SPIRE1: variants seen among roughly 807,000 people sequenced by gnomAD.
SPIRE1 encodes the protein spire type actin nucleation factor 1, also known as protein spire homolog 1.
In SPIRE1, 40 loss-of-function variants were observed where a neutral mutation model predicts 94.1. The observed-to-expected ratio is 0.43, with a 90% confidence interval of 0.33 to 0.55. The LOEUF (loss-of-function observed/expected upper bound fraction) is 0.55, where lower values mean the gene tolerates loss of function less well. Ranked by LOEUF, SPIRE1 falls within the 20% of genes least tolerant of loss-of-function variation. SPIRE1 has a pLI of 0.06. For synonymous variants in SPIRE1, 376 were observed against 371.7 expected, an observed-to-expected ratio of 1.01 and a Z score of -0.13; for missense variants, 838 against 975.2, an observed-to-expected ratio of 0.86 and a Z score of 1.87.
intron 6 of SPIRE1, among the ~76,000 whole-genome samples, chr18:12,502,365 T>C (rs1263791053): frequency 1.3e-5 from 2 of 152,234 alleles, no homozygotes; most frequent in Non-Finnish European, 2.9e-5. Context: ...CTAAGACTTA[T>C]TTTAACACTG....
At chr18:12,585,308 T>C (rs1351720337) in intron 2 of SPIRE1, among the ~76,000 whole-genome samples, 1 of 152,056 alleles carries the variant, frequency 6.6e-6, no homozygotes, top group Non-Finnish European at 1.5e-5. Context: ...AACCAAAAGT[T>C]AAGGAGCTGA....
intron 2 of SPIRE1, among the ~76,000 whole-genome samples, chr18:12,583,550 C>T (rs1437241227): frequency 1.3e-5 from 2 of 151,902 alleles, no homozygotes; most frequent in East Asian, 3.9e-4. Flanking sequence ...TGCAGTGAGC[C>T]AAGATCGTGC....
intron 2 of SPIRE1, among the ~76,000 whole-genome samples, chr18:12,578,162 CAT>C (rs1444972343): frequency 6.6e-6 from 1 of 152,124 alleles, no homozygotes; most frequent in African/African-American, 2.4e-5. Flanking sequence ...AAAAGTCAAA[CAT>C]AAATTTATCA....
chr18:12,650,390 T>C lies in SPIRE1; in HGVS notation c.337+7140A>G, dbSNP rs1598585509. On this transcript the variant is annotated intron_variant, in intron 1 of 16. Transcript: ENST00000409402. ...ACTAGGCAACATGGCAAAATCTCTG[T>C]CTCTAAAAAACGATATAAAAATTAC... Among the ~76,000 whole-genome samples, 4 of 151,966 alleles carry C rather than the reference T, an allele frequency of 2.6e-5. No individual in the cohort carries two copies. In the South Asian group the frequency reaches 8.3e-4, roughly 32 times the overall value.
rs150913504 is a variant in SPIRE1, at chr18:12,552,162, A to G, written c.373-5258T>C. On this transcript the variant is annotated intron_variant, in intron 2 of 16. Coordinates refer to ENST00000409402, the MANE Select transcript of SPIRE1 (RefSeq NM_001128626.2). ...AACTTGAGTTCTGGCAAGCCTTACC[A>G]CTGCGTGCTTAAGTGCTCTGAGGCT... 6.0e-3 allele frequency among the ~76,000 whole-genome samples: 919 copies of G among 152,308 alleles called. 10 individuals are homozygous for G. The highest frequency in any genetic ancestry group is 0.021 in the African/African-American group (861 of 41,572).
intron 14 of SPIRE1, among the ~76,000 whole-genome samples, chr18:12,452,771 A>T (rs953450263): frequency 5.4e-4 from 82 of 152,258 alleles, no homozygotes; most frequent in African/African-American, 1.8e-3. Context: ...GGATCACATG[A>T]TAATCACATC....
chr18:12,466,937 T>A (rs1267145775), intron 10 of SPIRE1, among the ~76,000 whole-genome samples: 4 of 152,008 alleles, frequency 2.6e-5, no homozygotes. Flanking sequence ...AAGTGTCTGG[T>A]CAAAGAACAG....
At position 12,493,156 on chromosome 18, in the gene SPIRE1, G is replaced by A. The variant is rs750370757; in HGVS notation, c.1105C>T (p.Leu369Phe). The change falls in exon 8 of 17, where the codon CTC becomes TTC. Residue 369 changes from leucine to phenylalanine, a missense_variant. Leu to Phe is a conservative substitution (Grantham distance 22). Around this residue, in one of 2 missense-constraint regions of SPIRE1, gnomAD observed 645 missense variants for 804.7 expected, o/e 0.80. Transcript: ENST00000409402. ...LKPTPPRPRS[L>F]HERILEEIKA... The stretch of plus-strand genomic sequence containing the variant: ...ATTTCTTCTAATATTCTTTCATGGA[G>A]GCTCCGTGGCCGTGGTGGAGTTGGT... 6.2e-7 allele frequency: 1 copy of A among 1,613,774 alleles called. No homozygotes were observed. The highest frequency in any genetic ancestry group is 2.2e-5 in the East Asian group (1 of 44,880).
chr18:12,584,549 A>C (rs1421030773), intron 2 of SPIRE1, among the ~76,000 whole-genome samples: 1 of 152,194 alleles, frequency 6.6e-6, no homozygotes, highest in Non-Finnish European at 1.5e-5. Context: ...CAAAATTTAG[A>C]CTTGAAAATT....
At chr18:12,641,374 CTTT>C (rs67745102) in intron 1 of SPIRE1, among the ~76,000 whole-genome samples, 1 of 143,744 alleles carries the variant, frequency 7.0e-6, no homozygotes, top group Non-Finnish European at 1.5e-5. Context: ...TTCTTTTTTT[CTTT>C]TTTTTTTTTT....
chr18:12,468,312 C>T (rs908191438), intron 10 of SPIRE1, among the ~76,000 whole-genome samples: 1 of 152,230 alleles, frequency 6.6e-6, no homozygotes, highest in Non-Finnish European at 1.5e-5. Context: ...ACTGGCCACA[C>T]TTCCACTCAG....
At chr18:12,620,958 G>A (rs2037448474) in intron 2 of SPIRE1, among the ~76,000 whole-genome samples, 1 of 152,058 alleles carries the variant, frequency 6.6e-6, no homozygotes, top group Admixed American at 6.6e-5. Context: ...ATAATAAAAA[G>A]AGAACCCAAT....
intron 12 of SPIRE1, 114 bp from the exon 13 acceptor site, chr18:12,454,597 C>CATTAGTAGCTTCAGAGAAGAGAA: frequency 1.0e-5 from 10 of 963,676 alleles, no homozygotes; most frequent in African/African-American, 3.2e-5. Flanking sequence ...GAACAGGTTT[C>CATTAGTAGCTTCAGAGAAGAGAA]CCAATGACCA....
At chr18:12,529,348 G>A (rs1222054069) in intron 4 of SPIRE1, among the ~76,000 whole-genome samples, 1 of 148,596 alleles carries the variant, frequency 6.7e-6, no homozygotes, top group East Asian at 2.0e-4. Flanking sequence ...CAGCTTAGAC[G>A]ACAGAGCAAG....
intron 2 of SPIRE1, among the ~76,000 whole-genome samples, chr18:12,555,981 T>C (rs748777202): frequency 6.6e-6 from 1 of 151,986 alleles, no homozygotes; most frequent in Non-Finnish European, 1.5e-5. Flanking sequence ...AGTTGGAGGA[T>C]ACAAAATCAA....
chr18:12,485,083 C>T (rs2143802915), intron 9 of SPIRE1, among the ~76,000 whole-genome samples: 2 of 150,174 alleles, frequency 1.3e-5, no homozygotes, highest in Admixed American at 6.7e-5. Flanking sequence ...AAAGCCATTA[C>T]AATGCTCTTG....
intron 1 of SPIRE1, among the ~76,000 whole-genome samples, chr18:12,638,771 C>T (rs1372795763): frequency 1.3e-5 from 2 of 152,108 alleles, no homozygotes; most frequent in African/African-American, 4.8e-5. Flanking sequence ...AGCGAGTTAT[C>T]ATGAGATCTG....
rs1382031629 is a variant in SPIRE1, at chr18:12,657,521, C to T, written c.337+9G>A. The stretch of plus-strand genomic sequence containing the variant: ...AGAACTACGAGGGAAAGGGGCCCGG[C>T]GGCCTCACCCGCAACTGGGGGCGGC... On this transcript the variant is annotated intron_variant, in intron 1 of 16. Coordinates refer to ENST00000409402, the MANE Select transcript of SPIRE1 (RefSeq NM_001128626.2). 33 of 1,230,086 alleles carry T rather than the reference C, an allele frequency of 2.7e-5. No homozygotes were observed. The highest frequency in any genetic ancestry group is 3.1e-5 in the Non-Finnish European group (31 of 986,162). The allele number at this position is 1,230,086 out of a possible 1,614,324, so 76.2% of individuals were successfully genotyped here. A position where few individuals can be genotyped will look rare whatever the true frequency, so the allele number is the denominator to read the frequency against.
chr18:12,654,429 G>A (rs1024266878), intron 1 of SPIRE1, among the ~76,000 whole-genome samples: 7 of 150,828 alleles, frequency 4.6e-5, no homozygotes, highest in Admixed American at 2.7e-4. Flanking sequence ...GGCGGATCAC[G>A]AGGTCAGGAG....
Sources: allele counts gnomAD v4.1 joint callset (sites outside exome capture counted in the v4.1 genomes callset), GRCh38; gene constraint gnomAD v4.1.1; regional missense constraint gnomAD v4.1.1; transcripts MANE v1.5; gene names NCBI Gene and HGNC (gene_info 2026-07-23, HGNC 2026-07-21).